The following FBXW11 variants were observed in gnomAD, a reference collection of about 807,000 sequenced individuals.
The protein encoded by FBXW11 is F-box and WD repeat domain containing 11.
In FBXW11, 19 loss-of-function variants were observed where a neutral mutation model predicts 77.6. The observed-to-expected ratio is 0.24, with a 90% CI of 0.17 to 0.36. The LOEUF (loss-of-function observed/expected upper bound fraction) is 0.36, where lower values mean the gene tolerates loss of function less well. Ranked by LOEUF, FBXW11 falls within the 10% of genes least tolerant of loss-of-function variation. The pLI is 1.00. For missense variants in FBXW11, 334 were observed against 704.2 expected, an observed-to-expected ratio of 0.47 and a Z score of 5.95; for synonymous variants, 235 against 249.4, an observed-to-expected ratio of 0.94 and a Z score of 0.54.
chr5:172,005,303 T>C (rs1766673130), intron 1 of FBXW11, among the ~76,000 whole-genome samples: 1 of 152,206 alleles, frequency 6.6e-6, no homozygotes, highest in South Asian at 2.1e-4. Flanking sequence ...TTAGGAAAGA[T>C]ACAAAGAAAC....
At chr5:171,930,753 AT>A (rs1223870555) in intron 2 of FBXW11, among the ~76,000 whole-genome samples, 27 of 51,314 alleles carry the variant, frequency 5.3e-4, no homozygotes, top group African/African-American at 1.4e-3. Flanking sequence ...AAAATAAAAA[AT>A]AAAAAAATAA....
intron 2 of FBXW11, among the ~76,000 whole-genome samples, chr5:171,955,311 T>C (rs1479453823): frequency 1.3e-5 from 2 of 152,218 alleles, no homozygotes; most frequent in Non-Finnish European, 2.9e-5. Context: ...GACTCTTTCA[T>C]GGAACTTCAG....
At chr5:171,890,254 G>A (rs557449980) in intron 7 of FBXW11, among the ~76,000 whole-genome samples, 3 of 152,276 alleles carry the variant, frequency 2.0e-5, no homozygotes, top group Admixed American at 2.0e-4. Context: ...CAGGCCAGGT[G>A]TGGTGGCTGC....
chr5:171,910,837 A>G (rs541215878), intron 3 of FBXW11, 40 bp from the exon 4 acceptor site: 2 of 1,320,898 alleles, frequency 1.5e-6, no homozygotes, highest in African/African-American at 3.0e-5. Flanking sequence ...TTTAACAAGG[A>G]AAGAAACCTA....
intron 4 of FBXW11, among the ~76,000 whole-genome samples, chr5:171,908,403 C>T (rs1326736843): frequency 1.3e-5 from 2 of 152,194 alleles, no homozygotes; most frequent in African/African-American, 2.4e-5. Context: ...CCAACCCCTA[C>T]CATCATTCAC....
intron 7 of FBXW11, among the ~76,000 whole-genome samples, chr5:171,889,762 C>A (rs949049752): frequency 6.6e-6 from 1 of 151,952 alleles, no homozygotes; most frequent in Non-Finnish European, 1.5e-5. Context: ...GTGGCTCATG[C>A]CTATAATCCC....
intron 1 of FBXW11, chr5:171,997,047 G>A (rs749265533): frequency 2.1e-5 from 27 of 1,289,620 alleles, no homozygotes; most frequent in East Asian, 5.5e-5. Flanking sequence ...CATGCACTTC[G>A]GTAACTGTTG....
chr5:171,956,294 T>C (rs889231184), intron 2 of FBXW11, among the ~76,000 whole-genome samples: 1 of 152,210 alleles, frequency 6.6e-6, no homozygotes, highest in Non-Finnish European at 1.5e-5. Flanking sequence ...AAAAGTTACA[T>C]CGCATGCACA....
chr5:172,000,403 A>C (rs1039847128), intron 1 of FBXW11, among the ~76,000 whole-genome samples: 3 of 152,244 alleles, frequency 2.0e-5, no homozygotes, highest in Non-Finnish European at 4.4e-5. Context: ...TAGTTACAGC[A>C]TAGATCTAAT....
intron 1 of FBXW11, among the ~76,000 whole-genome samples, chr5:171,984,367 T>C (rs1220462272): frequency 6.6e-6 from 1 of 152,240 alleles, no homozygotes; most frequent in African/African-American, 2.4e-5. Context: ...AATCTCTGTT[T>C]ATCCTCCAAA....
At chr5:171,867,643 T>C (rs144218373) in intron 13 of FBXW11, 110 of 152,280 alleles carry the variant, frequency 7.2e-4, no homozygotes, top group African/African-American at 1.1e-3. Flanking sequence ...ACTTAGTGAA[T>C]AGGTACCAAG....
At chr5:171,915,650 T>TGTGTGTGTGTGTGTGTGTGTGA (rs982596459) in intron 2 of FBXW11, among the ~76,000 whole-genome samples, 271 of 151,268 alleles carry the variant, frequency 1.8e-3, no homozygotes, top group Non-Finnish European at 2.8e-3. Flanking sequence ...TGTGTGTGTG[T>TGTGTGTGTGTGTGTGTGTGTGA]GAGCCTGAGC....
chr5:171,867,215 T>C (rs751729549), intron 13 of FBXW11, among the ~76,000 whole-genome samples: 1 of 152,160 alleles, frequency 6.6e-6, no homozygotes, highest in Non-Finnish European at 1.5e-5. Context: ...GGCCATATGG[T>C]AAATATTTCA....
rs1338457102 is a variant in FBXW11, at chr5:171,862,131, T to C, written c.*1996A>G. The C allele has an allele frequency of 6.6e-6, 1 of 152,446 alleles. No individual in the cohort carries two copies. Among genetic ancestry groups the C allele is most frequent in the East Asian group, 1.9e-4 (1 of 5,194 alleles). The allele number at this position is 152,446 out of a possible 1,614,324, so 9.4% of individuals were successfully genotyped here. A position where few individuals can be genotyped will look rare whatever the true frequency, so the allele number is the denominator to read the frequency against. The stretch of plus-strand genomic sequence containing the variant: ...CAGAATTGCCTCCTCCCCTGCCCCC[T>C]CCCTTCCCCCTGGGCTTTCCTAACC... On this transcript the variant is annotated 3_prime_UTR_variant, in exon 14 of 14. Transcript: ENST00000517395.
intron 4 of FBXW11, among the ~76,000 whole-genome samples, chr5:171,905,829 C>T (rs1760477072): frequency 6.6e-6 from 1 of 152,072 alleles, no homozygotes; most frequent in Non-Finnish European, 1.5e-5. Context: ...TCTGAAGTAC[C>T]TATGTCTGGC....
In FBXW11 at chr5:171,876,222, C is replaced by G; in HGVS notation, c.1221+63G>C. 1 of 1,594,252 alleles carries G rather than the reference C, an allele frequency of 6.3e-7. No individual in the cohort carries two copies. The highest frequency in any genetic ancestry group is 8.6e-7 in the Non-Finnish European group (1 of 1,168,234). ...GGTACCAGGTTGGTATAAGCCACCTCTGCTTTGTCTCTGTTCTAAAAGGGA... is the reference window on the plus strand; with the variant it reads ...GGTACCAGGTTGGTATAAGCCACCTGTGCTTTGTCTCTGTTCTAAAAGGGA... On this transcript the variant is annotated intron_variant, in intron 9 of 13. Transcript: ENST00000517395. The surrounding 1 kb of genome is among the most constrained non-coding windows in gnomAD (Gnocchi z 4.2).
At chr5:171,885,293 G>A (rs1467405714) in intron 7 of FBXW11, among the ~76,000 whole-genome samples, 1 of 152,204 alleles carries the variant, frequency 6.6e-6, no homozygotes, top group African/African-American at 2.4e-5. Context: ...TAGAGCTCTT[G>A]CAGGTAAAAC....
intron 1 of FBXW11, among the ~76,000 whole-genome samples, chr5:171,971,652 T>C (rs899758760): frequency 6.6e-6 from 1 of 152,174 alleles, no homozygotes; most frequent in Middle Eastern, 3.2e-3. Flanking sequence ...ATTTATTACA[T>C]TTTTGAACTG....
chr5:171,952,853 T>TA (rs1376282319), intron 2 of FBXW11, among the ~76,000 whole-genome samples: 1 of 151,450 alleles, frequency 6.6e-6, no homozygotes, highest in Non-Finnish European at 1.5e-5. Context: ...TATTATGAGA[T>TA]TTTTTTTCTT....
Sources: gnomAD v4.1 joint callset for allele counts (sites outside exome capture counted in the v4.1 genomes callset) on GRCh38, gnomAD v4.1.1 for gene constraint, Gnocchi (gnomAD v3.1) non-coding constraint, MANE v1.5 for transcripts, NCBI Gene and HGNC (gene_info 2026-07-23, HGNC 2026-07-21) for gene names.